Variants in CTNNA2 observed in about 807,000 individuals in gnomAD.
The protein encoded by CTNNA2 is catenin alpha-2.
A neutral mutation model predicts 101.0 loss-of-function variants in CTNNA2; 42 were observed. The ratio of observed to expected loss-of-function variants is 0.42; its 90% CI spans 0.32 to 0.54. The LOEUF is 0.54. Among genes scored for constraint, CTNNA2 ranks in the 20% least tolerant of loss-of-function variants. The pLI is 0.14. For missense variants in CTNNA2, 871 were observed against 1,223.1 expected, an observed-to-expected ratio of 0.71 and a Z score of 4.29; for synonymous variants, 450 against 456.4, an observed-to-expected ratio of 0.99 and a Z score of 0.18.
intron 9 of CTNNA2, among the ~76,000 whole-genome samples, chr2:80,430,321 A>T (rs1319648997): frequency 6.6e-6 from 1 of 152,166 alleles, no homozygotes; most frequent in Admixed American, 6.5e-5. Flanking sequence ...TACCATGGTA[A>T]TGTTCACACA....
intron 9 of CTNNA2, among the ~76,000 whole-genome samples, chr2:80,535,822 T>A (rs768348006): frequency 6.6e-6 from 1 of 152,208 alleles, no homozygotes; most frequent in Non-Finnish European, 1.5e-5. Flanking sequence ...ATCAGGCTGA[T>A]AAACTTATGC....
intron 3 of CTNNA2, among the ~76,000 whole-genome samples, chr2:79,777,634 G>A (rs911641656): frequency 1.3e-5 from 2 of 152,226 alleles, no homozygotes; most frequent in East Asian, 1.9e-4. Context: ...CTTGATGTTT[G>A]AGCATAAGAT....
intron 7 of CTNNA2, among the ~76,000 whole-genome samples, chr2:80,060,249 C>T (rs149913511): frequency 6.6e-6 from 1 of 152,302 alleles, no homozygotes; most frequent in East Asian, 1.9e-4. Flanking sequence ...TGGATGAGAG[C>T]TGAGTCAAGG....
intron 3 of CTNNA2, among the ~76,000 whole-genome samples, chr2:79,761,307 T>A (rs895905996): frequency 3.3e-5 from 5 of 152,114 alleles, no homozygotes; most frequent in African/African-American, 1.2e-4. Flanking sequence ...AGTTTTACTT[T>A]AAAAAAACAG....
At chr2:80,490,288 C>CCCCCG (rs201732088) in intron 9 of CTNNA2, among the ~76,000 whole-genome samples, 5 of 97,900 alleles carry the variant, frequency 5.1e-5, no homozygotes, top group African/African-American at 2.2e-4. Flanking sequence ...CCACCCCCCC[C>CCCCCG]CCGGTAAAGC....
chr2:79,784,588 G>T (rs1353683874), intron 3 of CTNNA2, among the ~76,000 whole-genome samples: 1 of 151,326 alleles, frequency 6.6e-6, no homozygotes, highest in Non-Finnish European at 1.5e-5. Flanking sequence ...AGTTTTCTGT[G>T]TATCAGTTGT....
At chr2:80,130,172 T>G (rs903441935) in intron 7 of CTNNA2, among the ~76,000 whole-genome samples, 1 of 152,178 alleles carries the variant, frequency 6.6e-6, no homozygotes, top group African/African-American at 2.4e-5. Context: ...CTAGTCAAGC[T>G]CTGCTGTTTT....
chr2:79,445,659 A>C (rs1302155867), intron 4 of CTNNA2, among the ~76,000 whole-genome samples: 1 of 152,146 alleles, frequency 6.6e-6, no homozygotes, highest in Non-Finnish European at 1.5e-5. Flanking sequence ...TGTCTAAAAC[A>C]GCAAATGTGA....
At chr2:79,582,157 G>A (rs187823291) in intron 1 of CTNNA2, among the ~76,000 whole-genome samples, 116 of 152,326 alleles carry the variant, frequency 7.6e-4, no homozygotes, top group Non-Finnish European at 1.3e-3. Flanking sequence ...GAATGCCTCC[G>A]TGTGTAAAAT....
intron 2 of CTNNA2, among the ~76,000 whole-genome samples, chr2:79,204,928 A>G (rs1157049385): frequency 6.6e-6 from 1 of 152,234 alleles, no homozygotes; most frequent in East Asian, 1.9e-4. Context: ...GCCTGCCAAC[A>G]CTGTTGCACT....
intron 7 of CTNNA2, among the ~76,000 whole-genome samples, chr2:80,354,245 C>T (rs1256508023): frequency 6.6e-6 from 1 of 151,972 alleles, no homozygotes; most frequent in African/African-American, 2.4e-5. Flanking sequence ...GGGAGAATAT[C>T]AGGGGATGGA....
At chr2:80,575,198 G>A (rs1573327943) in intron 13 of CTNNA2, 1 of 151,722 alleles carries the variant, frequency 6.6e-6, no homozygotes, top group Admixed American at 6.6e-5. Flanking sequence ...TGAAGCAGAG[G>A]TGGGGCTTCT....
intron 18 of CTNNA2, among the ~76,000 whole-genome samples, chr2:80,623,048 T>TAA (rs367889797): frequency 0.034 from 4,136 of 121,576 alleles, 136 homozygotes; most frequent in African/African-American, 0.074. Flanking sequence ...CGCTAGTTTC[T>TAA]AAAAAAAAAA....
intron 7 of CTNNA2, among the ~76,000 whole-genome samples, chr2:80,374,746 T>C (rs1675778030): frequency 6.6e-6 from 1 of 151,018 alleles, no homozygotes; most frequent in African/African-American, 2.4e-5. Flanking sequence ...ATACCAGTCA[T>C]ATTGGATTAG....
intron 2 of CTNNA2, among the ~76,000 whole-genome samples, chr2:79,731,838 G>GT (rs34010351): frequency 6.7e-6 from 1 of 149,274 alleles, no homozygotes; most frequent in Non-Finnish European, 1.5e-5. Context: ...CTTTATTTTT[G>GT]TTTTTTTTTT....
chr2:80,065,884 G>T (rs1021379051), intron 7 of CTNNA2, among the ~76,000 whole-genome samples: 10 of 152,194 alleles, frequency 6.6e-5, no homozygotes, highest in Admixed American at 5.2e-4. Context: ...TACACTCAGA[G>T]AAGTCCTTGC....
At chr2:79,246,201 T>C (rs2104264200) in intron 2 of CTNNA2, among the ~76,000 whole-genome samples, 1 of 152,334 alleles carries the variant, frequency 6.6e-6, no homozygotes, top group Non-Finnish European at 1.5e-5. Flanking sequence ...TCTCATTTTC[T>C]ACACTTACTT....
At chr2:80,447,281 A>C (rs1299957084) in intron 9 of CTNNA2, among the ~76,000 whole-genome samples, 1 of 152,158 alleles carries the variant, frequency 6.6e-6, no homozygotes, top group African/African-American at 2.4e-5. Context: ...TTACCATTGC[A>C]AATCTTTTGG....
At chr2:79,285,335 A>G (rs1377175205) in intron 2 of CTNNA2, among the ~76,000 whole-genome samples, 1 of 149,718 alleles carries the variant, frequency 6.7e-6, no homozygotes, top group Non-Finnish European at 1.5e-5. Context: ...AGTTCCTTTA[A>G]TTGTGATGTT....
Sources: gnomAD v4.1 joint callset for allele counts (sites outside exome capture counted in the v4.1 genomes callset) on GRCh38, gnomAD v4.1.1 for gene constraint, MANE v1.5 for transcripts, NCBI Gene and HGNC (gene_info 2026-07-23, HGNC 2026-07-21) for gene names.